Variants in CEP120 observed in about 807,000 individuals in gnomAD.
CEP120 encodes the protein centrosomal protein 120, also known as centrosomal protein of 120 kDa.
Under a neutral mutation model 126.5 loss-of-function variants are expected in CEP120, and 113 were observed. The ratio of observed to expected loss-of-function variants is 0.89; its 90% confidence interval spans 0.77 to 1.04. CEP120 has a LOEUF of 1.04. CEP120 is among the 50% of genes least tolerant of loss of function. The pLI, the probability that CEP120 is intolerant of heterozygous loss-of-function variation, is 0.00. For synonymous variants in CEP120, 400 were observed against 394.3 expected, an observed-to-expected ratio of 1.01 and a Z score of -0.17; for missense variants, 1,230 against 1,155.7, an observed-to-expected ratio of 1.06 and a Z score of -0.93.
intron 7 of CEP120, chr5:123,390,779 A>G (rs1772339034): frequency 9.2e-6 from 2 of 217,036 alleles, no homozygotes; most frequent in South Asian, 1.9e-4. Context: ...CCAAAAAGAT[A>G]TCAGTAATGC....
At chr5:123,375,876 G>A (rs1490436473) in intron 16 of CEP120, among the ~76,000 whole-genome samples, 1 of 152,050 alleles carries the variant, frequency 6.6e-6, no homozygotes, top group Non-Finnish European at 1.5e-5. Context: ...GCTCTGTGCT[G>A]CTGTGGAAAC....
chr5:123,423,033 G>A lies in CEP120; in HGVS notation c.-35C>T, dbSNP rs776717132. 1.1e-5 allele frequency: 17 copies of A among 1,590,868 alleles called. No individual in the cohort carries two copies. The highest frequency in any genetic ancestry group is 2.2e-5 in the East Asian group (1 of 44,724). On this transcript the variant is annotated 5_prime_UTR_variant, in exon 1 of 20. Coordinates refer to ENST00000306467, the MANE Select transcript of CEP120 (RefSeq NM_001375405.1). ...GAGCGGTCCGGGGGCGAAGGCGGCT[G>A]GGGGGAAGTGAGGTCCAGTTGAGTC...
chr5:123,419,553 CAAA>C (rs566909063), intron 1 of CEP120, among the ~76,000 whole-genome samples: 1 of 135,258 alleles, frequency 7.4e-6, no homozygotes, highest in African/African-American at 2.8e-5. Context: ...AAAACAAAAA[CAAA>C]AAAAAAAAAA....
chr5:123,354,032 T>C (rs541174093), intron 18 of CEP120, among the ~76,000 whole-genome samples: 2 of 152,234 alleles, frequency 1.3e-5, no homozygotes, highest in South Asian at 4.1e-4. Context: ...TTTATTGTCT[T>C]ATTTTCTAAA....
At chr5:123,376,613 CA>C (rs1325377347) in intron 16 of CEP120, among the ~76,000 whole-genome samples, 1 of 152,004 alleles carries the variant, frequency 6.6e-6, no homozygotes, top group Non-Finnish European at 1.5e-5. Flanking sequence ...ATCACTGAAA[CA>C]AAGAACATTT....
chr5:123,420,556 C>G (rs1461837114), intron 1 of CEP120, among the ~76,000 whole-genome samples: 1 of 152,144 alleles, frequency 6.6e-6, no homozygotes, highest in East Asian at 1.9e-4. Flanking sequence ...GGCAAGAGGT[C>G]TACCACAAAG....
intron 4 of CEP120, chr5:123,401,068 C>A: frequency 6.3e-7 from 1 of 1,577,854 alleles, no homozygotes; most frequent in Admixed American, 1.7e-5. Flanking sequence ...CCCCCACAGG[C>A]CGAGCTCAGA....
chr5:123,352,550 C>G (rs1430548096), intron 18 of CEP120, among the ~76,000 whole-genome samples: 1 of 152,020 alleles, frequency 6.6e-6, no homozygotes, highest in Non-Finnish European at 1.5e-5. Context: ...CTAAACTGAT[C>G]TATTTATCCT....
Position 123,391,330 on chromosome 5 carries a change from AG to A in CEP120, c.817del (p.Leu273SerfsTer15). 6.2e-7 allele frequency: 1 copy of A among 1,611,894 alleles called. No individual in the cohort carries two copies. Among genetic ancestry groups the A allele is most frequent in the Non-Finnish European group, 8.5e-7 (1 of 1,178,012 alleles). Reference sequence around the variant, plus strand: ...TCCAAGTGACTGGTCTCCACAGCAGAGGTGAATCTAATATGAAAGGGAAAAA... The same window carrying A: ...TCCAAGTGACTGGTCTCCACAGCAGAGTGAATCTAATATGAAAGGGAAAAA... Reference protein sequence around the residue: ...LALQSKLQIHLCCGDQSLGST... With the variant: ...LALQSKLQIHXCCGDQSLGST... On this transcript the variant is annotated frameshift_variant, in exon 7 of 20. Transcript: ENST00000306467. LOFTEE classifies it high-confidence loss of function.
chr5:123,351,879 C>CTG (rs1419842161), intron 18 of CEP120, among the ~76,000 whole-genome samples: 5 of 152,098 alleles, frequency 3.3e-5, no homozygotes, highest in Non-Finnish European at 7.4e-5. Flanking sequence ...GATGTTCAAC[C>CTG]TGTATTTCCA....
intron 18 of CEP120, among the ~76,000 whole-genome samples, chr5:123,363,832 T>A (rs909834753): frequency 4.0e-5 from 6 of 151,508 alleles, no homozygotes; most frequent in African/African-American, 1.5e-4. Flanking sequence ...AAAGTGAACT[T>A]AGAATAAACT....
chr5:123,347,886 C>G (rs1476577126), intron 19 of CEP120, among the ~76,000 whole-genome samples: 1 of 151,440 alleles, frequency 6.6e-6, no homozygotes, highest in East Asian at 1.9e-4. Context: ...CTCCCTCACT[C>G]TCTTAACCAC....
rs78270419 is a variant in CEP120 at position 123,414,233 on chromosome 5, G to C, written c.322-1693C>G. Among the ~76,000 whole-genome samples, 578 of 152,226 alleles carry C rather than the reference G, an allele frequency of 3.8e-3. 4 individuals are homozygous for C. Among genetic ancestry groups the C allele is most frequent in the African/African-American group, 0.013 (557 of 41,528 alleles). On this transcript the variant is annotated intron_variant, in intron 3 of 19. Transcript: ENST00000306467. ...TTCTAGACACTTGCACGCTACATGA[G>C]AGAAGGTGGTTAAGAGAAACATCAA...
At position 123,393,352 on chromosome 5, in the gene CEP120, C is replaced by T. The variant is rs748914764; in HGVS notation, c.758G>A (p.Arg253His). The T allele has an allele frequency of 4.3e-6, 7 of 1,613,986 alleles. No homozygotes were observed. Among genetic ancestry groups the T allele is most frequent in the East Asian group, 2.2e-5 (1 of 44,874 alleles). The change falls in exon 6 of 20, where the codon CGT becomes CAT. Residue 253 changes from arginine (R) to histidine (H), a missense_variant. Arg to His is a conservative substitution (Grantham distance 29, BLOSUM62 0). Transcript: ENST00000306467. ...AACACGAAGAATTTCTACACTGCTA[C>T]GGATGCGAACTGATGCTCTCTCTGG... ...FEPERASVRI[R>H]SSVEILRVYL...
In CEP120 at chr5:123,382,979, T is replaced by C. The variant is rs775838150; in HGVS notation, c.1860+7A>G. ...AAAAAAATTTGATAACATTCAATTA[T>C]ATTTACCTGAGATGAATCAGAGATA... On this transcript the variant is annotated splice_region_variant and intron_variant, in intron 12 of 19. Transcript: ENST00000306467. The C allele has an allele frequency of 6.3e-7, 1 of 1,597,418 alleles. No homozygotes were observed. Among genetic ancestry groups the C allele is most frequent in the Non-Finnish European group, 8.6e-7 (1 of 1,169,536 alleles).
rs532307538 is a variant in CEP120, at chr5:123,398,828, C to A, written c.612+308G>T. ...AAGTTTCTCCAAAAAGTAAATCGTTCACAAATTTAAAAATCCTTCCATGTC... is the reference window on the plus strand; with the variant it reads ...AAGTTTCTCCAAAAAGTAAATCGTTAACAAATTTAAAAATCCTTCCATGTC... On this transcript the variant is annotated intron_variant, in intron 5 of 19. Coordinates refer to ENST00000306467, the MANE Select transcript of CEP120 (RefSeq NM_001375405.1). Among the ~76,000 whole-genome samples the A allele has an allele frequency of 3.9e-5, 6 of 152,234 alleles. No individual in the cohort carries two copies. In the South Asian group the frequency reaches 1.2e-3, roughly 32 times the overall value.
intron 4 of CEP120, chr5:123,401,881 CCA>C: frequency 3.2e-6 from 5 of 1,554,768 alleles, no homozygotes; most frequent in Non-Finnish European, 4.4e-6. Context: ...TTCTCCTAGC[CCA>C]GAGTCTCCAG....
rs776713978 is a variant in CEP120 at position 123,372,660 on chromosome 5, G to A, written c.2471C>T (p.Thr824Ile). The A allele has an allele frequency of 7.9e-5, 128 of 1,611,978 alleles. No individual in the cohort carries two copies. Among genetic ancestry groups the A allele is most frequent in the Non-Finnish European group, 1.1e-4 (126 of 1,178,930 alleles). The change falls in exon 17 of 20, where the codon ACC becomes ATC. Residue 824 changes from threonine (T) to isoleucine (I), a missense_variant. Coordinates refer to ENST00000306467, the MANE Select transcript of CEP120 (RefSeq NM_001375405.1). ...AATTAACATGTGTACCTTTTCCAAG[G>A]TGAGAAGATTTATTTCAGACTGTAG... ...IRLQSEINLL[T>I]LEKVELERKL... is the part of the protein sequence containing the mutation.
intron 17 of CEP120, among the ~76,000 whole-genome samples, chr5:123,372,368 AACT>A (rs1770912043): frequency 6.6e-6 from 1 of 152,074 alleles, no homozygotes; most frequent in Admixed American, 6.6e-5. Context: ...CATATTCTGA[AACT>A]ACTTCTTTAG....
Sources: gnomAD v4.1 joint callset for allele counts (sites outside exome capture counted in the v4.1 genomes callset) on GRCh38, gnomAD v4.1.1 for gene constraint, MANE v1.5 for transcripts, NCBI Gene and HGNC (gene_info 2026-07-23, HGNC 2026-07-21) for gene names.